The following VAPB variants were observed in gnomAD, a reference collection of about 807,000 sequenced individuals.
VAPB encodes vesicle-associated membrane protein-associated protein B/C.
A neutral mutation model predicts 25.6 loss-of-function variants in VAPB; 7 were observed. That is an observed-to-expected ratio of 0.27 (90% CI 0.16 to 0.51). VAPB has a LOEUF of 0.51. VAPB is among the 20% of genes least tolerant of loss of function. The probability of loss-of-function intolerance (pLI) is 0.97; values close to 1 mark genes in which losing one functional copy is unlikely to be tolerated. For missense variants in VAPB, 266 were observed against 301.3 expected (o/e 0.88, Z 0.87); for synonymous variants, 112 against 109.2 (o/e 1.03, Z -0.16).
At chr20:58,434,771 T>A in intron 3 of VAPB, 66 bp downstream of exon 3, 1 of 818,080 alleles carries the variant, frequency 1.2e-6, no homozygotes, top group Non-Finnish European at 2.1e-6. Flanking sequence ...AGATATGGAA[T>A]TGTGGGTGCA....
chr20:58,403,780 A>C (rs1988156376), intron 1 of VAPB, among the ~76,000 whole-genome samples: 1 of 152,210 alleles, frequency 6.6e-6, no homozygotes, highest in Non-Finnish European at 1.5e-5. Flanking sequence ...ATCCCTGTCT[A>C]TCTGGTTGTC....
At chr20:58,441,170 T>C in intron 5 of VAPB, 87 bp downstream of exon 5, 5 of 1,424,336 alleles carry the variant, frequency 3.5e-6, no homozygotes, top group Non-Finnish European at 4.9e-6. Flanking sequence ...CCAGTGAATA[T>C]ATAGATTTCT....
chr20:58,439,145 GAAA>G (rs200323755), intron 4 of VAPB, 120 bp downstream of exon 4: 2 of 949,940 alleles, frequency 2.1e-6, no homozygotes, highest in African/African-American at 1.7e-5. Flanking sequence ...GATGTCTGAA[GAAA>G]AAAAATAAGC....
At chr20:58,442,459 T>G (rs553886795) in intron 5 of VAPB, among the ~76,000 whole-genome samples, 17 of 151,820 alleles carry the variant, frequency 1.1e-4, no homozygotes, top group African/African-American at 2.9e-4. Context: ...GTTTGCCGGG[T>G]TTTTTTTTAA....
At chr20:58,402,561 C>CTTTTTTTTTTTTTTTTTTTT (rs1568700275) in intron 1 of VAPB, among the ~76,000 whole-genome samples, 2 of 112,022 alleles carry the variant, frequency 1.8e-5, no homozygotes. Context: ...GCCCCCCCAC[C>CTTTTTTTTTTTTTTTTTTTT]CTTTTTTTTT....
intron 5 of VAPB, among the ~76,000 whole-genome samples, chr20:58,441,290 CCT>C (rs1324385630): frequency 6.6e-6 from 1 of 151,856 alleles, no homozygotes; most frequent in Admixed American, 6.6e-5. Context: ...AACCACTGTC[CCT>C]TGATCAGAAA....
rs1335604234 is a variant in VAPB, at chr20:58,416,559, GA to G, written c.59-1649del. Among the ~76,000 whole-genome samples the G allele has an allele frequency of 2.7e-5, 4 of 148,512 alleles. No homozygotes were observed. In the East Asian group the frequency reaches 8.0e-4, roughly 30 times the overall value. On this transcript the variant is annotated intron_variant, in intron 1 of 5. Transcript: ENST00000475243. ...TGTTGATAGCAGACAAAATCACACA[GA>G]AACAAATACGAAAATTGTTTTATGT... is the stretch of plus-strand genomic sequence containing the variant.
At chr20:58,411,603 G>T (rs575723420) in intron 1 of VAPB, among the ~76,000 whole-genome samples, 43 of 152,280 alleles carry the variant, frequency 2.8e-4, no homozygotes, top group African/African-American at 8.2e-4. Flanking sequence ...TTTGCTTTCT[G>T]TACGTTTTTG....
intron 1 of VAPB, among the ~76,000 whole-genome samples, chr20:58,390,717 G>A (rs1600764627): frequency 6.6e-6 from 1 of 152,196 alleles, no homozygotes; most frequent in East Asian, 1.9e-4. Flanking sequence ...ATGAATGAAT[G>A]AATGGCCAGA....
Position 58,402,561 on chromosome 20 carries a change from C to CTT in VAPB, c.58+13044_58+13045insTT, listed in dbSNP as rs1568700275. Among the ~76,000 whole-genome samples the CTT allele has an allele frequency of 7.1e-5, 8 of 112,008 alleles. 2 individuals are homozygous for CTT. Among genetic ancestry groups the CTT allele is most frequent in the Non-Finnish European group, 3.9e-5 (2 of 51,668 alleles). 73.5% of individuals were successfully genotyped at this position (112,008 alleles called of 152,430 possible). A position where few individuals can be genotyped will look rare whatever the true frequency, so the allele number is the denominator to read the frequency against. On this transcript the variant is annotated intron_variant, in intron 1 of 5. Transcript: ENST00000475243. Reference sequence around the variant, plus strand: ...GCTGTTAGTCAGCAAGCCCCCCCACCCTTTTTTTTTTTTTTTTTTTAGATT... The same window carrying CTT: ...GCTGTTAGTCAGCAAGCCCCCCCACCTTCTTTTTTTTTTTTTTTTTTTAGATT...
chr20:58,442,390 T>C (rs181948541), intron 5 of VAPB, among the ~76,000 whole-genome samples: 1 of 152,344 alleles, frequency 6.6e-6, no homozygotes, highest in Admixed American at 6.5e-5. Context: ...TTCTGTGCTA[T>C]TTAAAGTGGT....
intron 2 of VAPB, among the ~76,000 whole-genome samples, chr20:58,423,633 G>A (rs909689328): frequency 6.6e-6 from 1 of 152,094 alleles, no homozygotes; most frequent in African/African-American, 2.4e-5. Flanking sequence ...GGTGCACTAG[G>A]GTATAAACGC....
chr20:58,392,550 T>C (rs368944318), intron 1 of VAPB, among the ~76,000 whole-genome samples: 2 of 152,200 alleles, frequency 1.3e-5, no homozygotes, highest in East Asian at 3.9e-4. Flanking sequence ...TAATAGAGAC[T>C]GAATACCCTG....
In VAPB at chr20:58,450,791, A is replaced by T; in HGVS notation, c.*6556A>T. The T allele has an allele frequency of 2.2e-6, 1 of 454,062 alleles. No individual in the cohort carries two copies. The highest frequency in any genetic ancestry group is 1.6e-5 in the South Asian group (1 of 64,470). The allele number at this position is 454,062 out of a possible 1,614,324, so 28.1% of individuals were successfully genotyped here. On this transcript the variant is annotated 3_prime_UTR_variant, in exon 6 of 6. Transcript: ENST00000475243. The stretch of plus-strand genomic sequence containing the variant: ...CTTTAGTTTTCATAATTTGTCCTTT[A>T]TGTATTTTTCATTGTATTTGCTGTT...
rs1021350618 is a variant in VAPB at position 58,444,770 on chromosome 20, T to C, written c.*535T>C. On this transcript the variant is annotated 3_prime_UTR_variant, in exon 6 of 6. Coordinates refer to ENST00000475243, the MANE Select transcript of VAPB (RefSeq NM_004738.5). Reference sequence around the variant, plus strand: ...GAACAGAGTCAGAAGCCCAAAGGAATTGCACTGTGGCAGCATCAGACGTAC... The same window carrying C: ...GAACAGAGTCAGAAGCCCAAAGGAACTGCACTGTGGCAGCATCAGACGTAC... 1.3e-5 allele frequency: 6 copies of C among 454,436 alleles called. No individual in the cohort carries two copies. Among genetic ancestry groups the C allele is most frequent in the Non-Finnish European group, 2.6e-5 (6 of 226,812 alleles). The allele number at this position is 454,436 out of a possible 1,614,324, so 28.2% of individuals were successfully genotyped here.
At position 58,445,582 on chromosome 20, in the gene VAPB, A is replaced by G. The variant is rs192710529; in HGVS notation, c.*1347A>G. ...TTTGTCATTTTGTCACATTTGCTCT[A>G]TGGGGGGAATTATTATTTTATCATT... On this transcript the variant is annotated 3_prime_UTR_variant, in exon 6 of 6. Coordinates refer to ENST00000475243, the MANE Select transcript of VAPB (RefSeq NM_004738.5). 338 of 454,310 alleles carry G rather than the reference A, an allele frequency of 7.4e-4. 2 individuals carry two copies. Among genetic ancestry groups the G allele is most frequent in the South Asian group, 1.4e-3 (87 of 64,392 alleles). 28.1% of individuals were successfully genotyped at this position (454,310 alleles called of 1,614,324 possible). A position where few individuals can be genotyped will look rare whatever the true frequency, so the allele number is the denominator to read the frequency against.
At position 58,414,445 on chromosome 20, in the gene VAPB, G is replaced by A. The variant is rs568524778; in HGVS notation, c.59-3766G>A. 4.0e-5 allele frequency among the ~76,000 whole-genome samples: 6 copies of A among 151,134 alleles called. No individual in the cohort carries two copies. In the South Asian group the frequency reaches 1.0e-3, roughly 26 times the overall value. ...CCCTCAGACGGGGCAGCCGCCGGGCGGAGGGTCTCCCCACTCCTCAGACGG... is the reference window on the plus strand; with the variant it reads ...CCCTCAGACGGGGCAGCCGCCGGGCAGAGGGTCTCCCCACTCCTCAGACGG... On this transcript the variant is annotated intron_variant, in intron 1 of 5. Transcript: ENST00000475243.
chr20:58,395,208 A>G (rs1382660464), intron 1 of VAPB, among the ~76,000 whole-genome samples: 2 of 149,212 alleles, frequency 1.3e-5, no homozygotes, highest in African/African-American at 2.5e-5. Flanking sequence ...CTGGAGTGCA[A>G]TGGCACTATC....
intron 1 of VAPB, among the ~76,000 whole-genome samples, chr20:58,415,490 G>A (rs1196043562): frequency 1.3e-5 from 2 of 152,102 alleles, no homozygotes; most frequent in African/African-American, 4.8e-5. Context: ...TCACATTTTA[G>A]ATGCTTAGTT....
Sources: gnomAD v4.1 joint callset for allele counts (sites outside exome capture counted in the v4.1 genomes callset) on GRCh38, gnomAD v4.1.1 for gene constraint, MANE v1.5 for transcripts, NCBI Gene and HGNC (gene_info 2026-07-23, HGNC 2026-07-21) for gene names.